Variants in MYO1D observed in about 807,000 individuals in gnomAD.
MYO1D encodes myosin ID, also known as unconventional myosin-Id.
A neutral mutation model predicts 122.0 loss-of-function variants in MYO1D; 83 were observed. That is an observed-to-expected ratio of 0.68 (90% confidence interval 0.57 to 0.82). MYO1D has a LOEUF of 0.82. Among genes scored for constraint, MYO1D ranks in the 40% least tolerant of loss-of-function variants. The pLI, the probability that MYO1D is intolerant of heterozygous loss-of-function variation, is 0.00. For missense variants in MYO1D, 1,157 were observed against 1,269.5 expected (o/e 0.91, Z 1.35); for synonymous variants, 464 against 446.9 (o/e 1.04, Z -0.48).
chr17:32,730,871 A>T (rs1299533466), intron 14 of MYO1D, among the ~76,000 whole-genome samples: 1 of 142,878 alleles, frequency 7.0e-6, no homozygotes, highest in Non-Finnish European at 1.5e-5. Context: ...GATAAGATAC[A>T]TGTTTGACCA....
chr17:32,668,581 T>C (rs1423881988), intron 16 of MYO1D, among the ~76,000 whole-genome samples: 3 of 152,240 alleles, frequency 2.0e-5, no homozygotes, highest in Admixed American at 6.5e-5. Context: ...CACAGGGCTT[T>C]TGGAATGCTC....
At chr17:32,600,933 T>A (rs1484942431) in intron 21 of MYO1D, among the ~76,000 whole-genome samples, 2 of 151,944 alleles carry the variant, frequency 1.3e-5, no homozygotes, top group African/African-American at 4.8e-5. Flanking sequence ...AGCTTAATCA[T>A]TTCTAGCTTT....
In MYO1D at chr17:32,760,554, G is replaced by A. The variant is rs780881772; in HGVS notation, c.1109C>T (p.Thr370Ile). The change falls in exon 9 of 22, where the codon ACC becomes ATC. Residue 370 changes from threonine to isoleucine, a missense_variant. Physicochemically the swap from Thr to Ile is moderately conservative, Grantham distance 89. Transcript: ENST00000318217. ...NDIIEVKNYDTTIHGKNTVIG... is the reference protein window; with the variant it reads ...NDIIEVKNYDITIHGKNTVIG... ...AACAGTGTTTTTCCCATGGATTGTG[G>A]TGTCATAGTTCTTGACCTCAATAAT... 2 of 1,613,674 alleles carry A rather than the reference G, an allele frequency of 1.2e-6. No homozygotes were observed. Among genetic ancestry groups the A allele is most frequent in the African/African-American group, 1.3e-5 (1 of 74,874 alleles).
rs139127323 is a variant in MYO1D at position 32,604,424 on chromosome 17, A to C, written c.2864+663T>G. Among the ~76,000 whole-genome samples, 889 of 152,334 alleles carry C rather than the reference A, an allele frequency of 5.8e-3. 6 individuals are homozygous for C. The highest frequency in any genetic ancestry group is 0.02 in the African/African-American group (845 of 41,572). On this transcript the variant is annotated intron_variant, in intron 21 of 21. Transcript: ENST00000318217. The stretch of plus-strand genomic sequence containing the variant: ...ATACTCCATGACCCCTTATGGGAAG[A>C]GAAATCCAATCTCTGAAACAACTCC...
In MYO1D at chr17:32,877,055, G is replaced by T; in HGVS notation, c.-183C>A. 4.2e-6 allele frequency: 1 copy of T among 235,600 alleles called. No homozygotes were observed. 14.6% of individuals were successfully genotyped at this position (235,600 alleles called of 1,614,324 possible). A position where few individuals can be genotyped will look rare whatever the true frequency, so the allele number is the denominator to read the frequency against. On this transcript the variant is annotated 5_prime_UTR_variant, in exon 1 of 22. Coordinates refer to ENST00000318217, the MANE Select transcript of MYO1D (RefSeq NM_015194.3). ...CCTCGCTGCTCCTCGGCGCCTTCTC[G>T]GCCGGCGCGGCTCCGAACGGGACGC...
chr17:32,699,579 T>C (rs955100576), intron 16 of MYO1D, among the ~76,000 whole-genome samples: 4 of 152,222 alleles, frequency 2.6e-5, no homozygotes, highest in Non-Finnish European at 5.9e-5. Flanking sequence ...TAATTTTATA[T>C]GGTATGATAA....
At chr17:32,821,751 G>C (rs2090667370) in intron 1 of MYO1D, among the ~76,000 whole-genome samples, 1 of 152,190 alleles carries the variant, frequency 6.6e-6, no homozygotes, top group South Asian at 2.1e-4. Flanking sequence ...TGTTCAAAAA[G>C]TGAAAGAAAG....
chr17:32,795,495 C>T (rs1012148785), intron 1 of MYO1D, among the ~76,000 whole-genome samples: 10 of 151,698 alleles, frequency 6.6e-5, no homozygotes, highest in African/African-American at 2.4e-4. Context: ...GAAACAAACA[C>T]AATAGCTTCC....
Position 32,659,142 on chromosome 17 carries a change from T to C in MYO1D, c.2318A>G (p.Glu773Gly). The change falls in exon 17 of 22, where the codon GAG becomes GGG. Residue 773 changes from glutamate (E) to glycine (G), a missense_variant. Transcript: ENST00000318217. ...ATTGAAAATCGTCTGCAGGGCCTCC[T>C]CAAAACGGCGAAGAACTTTAGGAGG... ...PSPPKVLRRF[E>G]EALQTIFNRW... 2 of 1,614,186 alleles carry C rather than the reference T, an allele frequency of 1.2e-6. No homozygotes were observed. The highest frequency in any genetic ancestry group is 1.7e-6 in the Non-Finnish European group (2 of 1,180,036).
chr17:32,821,104 T>A (rs1482473173), intron 1 of MYO1D, among the ~76,000 whole-genome samples: 1 of 152,166 alleles, frequency 6.6e-6, no homozygotes, highest in Non-Finnish European at 1.5e-5. Context: ...TAGCTCCCAC[T>A]TATAAGTAAG....
At chr17:32,791,955 G>T (rs1286845651) in intron 1 of MYO1D, among the ~76,000 whole-genome samples, 2 of 152,152 alleles carry the variant, frequency 1.3e-5, no homozygotes, top group Non-Finnish European at 2.9e-5. Context: ...GTTTTTGAAT[G>T]AATGGCAATT....
intron 1 of MYO1D, among the ~76,000 whole-genome samples, chr17:32,849,745 A>C (rs1419239965): frequency 6.6e-6 from 1 of 152,124 alleles, no homozygotes; most frequent in Non-Finnish European, 1.5e-5. Flanking sequence ...GCACGCCAGC[A>C]TGGCACATGT....
rs191240219 is a variant in MYO1D, at chr17:32,787,847, T to C, written c.96-7063A>G. ...CACTTACAAATGAGAACATATGATA[T>C]TTGGCTTTCCATTCCTGAGTTACTT... On this transcript the variant is annotated intron_variant, in intron 1 of 21. Coordinates refer to ENST00000318217, the MANE Select transcript of MYO1D (RefSeq NM_015194.3). Among the ~76,000 whole-genome samples the C allele has an allele frequency of 2.0e-3, 309 of 152,324 alleles. 3 individuals are homozygous for C. Among genetic ancestry groups the C allele is most frequent in the African/African-American group, 7.2e-3 (301 of 41,582 alleles).
chr17:32,652,960 T>C (rs933916123), intron 19 of MYO1D, among the ~76,000 whole-genome samples: 2 of 151,944 alleles, frequency 1.3e-5, no homozygotes, highest in South Asian at 2.1e-4. Flanking sequence ...GCTAACATGG[T>C]GAAACCCCGT....
chr17:32,847,965 T>C lies in MYO1D; in HGVS notation c.95+28813A>G, dbSNP rs561843108. On this transcript the variant is annotated intron_variant, in intron 1 of 21. Coordinates refer to ENST00000318217, the MANE Select transcript of MYO1D (RefSeq NM_015194.3). The stretch of plus-strand genomic sequence containing the variant: ...ATTCACTGCTGAAAAAGGCACTAAC[T>C]GAGAAGCCGTAAAGTACAAGTATTT... Among the ~76,000 whole-genome samples, 9 of 152,334 alleles carry C rather than the reference T, an allele frequency of 5.9e-5. No homozygotes were observed. In the South Asian group the frequency reaches 1.5e-3, roughly 25 times the overall value.
At chr17:32,865,245 G>T (rs1379031015) in intron 1 of MYO1D, among the ~76,000 whole-genome samples, 5 of 152,304 alleles carry the variant, frequency 3.3e-5, no homozygotes, top group African/African-American at 1.2e-4. Flanking sequence ...CAAAGCAACA[G>T]TCTGAGATAG....
chr17:32,864,571 A>AAT (rs1178427107), intron 1 of MYO1D, among the ~76,000 whole-genome samples: 5 of 149,838 alleles, frequency 3.3e-5, no homozygotes, highest in African/African-American at 1.2e-4. Context: ...AAAAAAAAAA[A>AAT]GGAGAGAAAT....
chr17:32,651,980 G>A (rs978344287), intron 19 of MYO1D, among the ~76,000 whole-genome samples: 5 of 151,786 alleles, frequency 3.3e-5, no homozygotes, highest in African/African-American at 7.3e-5. Flanking sequence ...CTGGCCTCCC[G>A]CTAATTTAAT....
chr17:32,829,290 A>G (rs1293963161), intron 1 of MYO1D, among the ~76,000 whole-genome samples: 1 of 152,226 alleles, frequency 6.6e-6, no homozygotes, highest in Non-Finnish European at 1.5e-5. Flanking sequence ...ATTTATCAGA[A>G]CATCAGACAA....
Sources: gnomAD v4.1 joint callset for allele counts (sites outside exome capture counted in the v4.1 genomes callset) on GRCh38, gnomAD v4.1.1 for gene constraint, MANE v1.5 for transcripts, NCBI Gene and HGNC (gene_info 2026-07-23, HGNC 2026-07-21) for gene names.